Variants in COL5A1 observed in about 807,000 individuals in gnomAD.
The protein encoded by COL5A1 is collagen alpha-1(V) chain.
Under a neutral mutation model 263.7 loss-of-function variants are expected in COL5A1, and 16 were observed. That is an observed-to-expected ratio of 0.06 (90% CI 0.04 to 0.09). COL5A1 has a LOEUF of 0.09. Among genes scored for constraint, COL5A1 ranks in the 10% least tolerant of loss-of-function variants. COL5A1 has a pLI of 1.00. For missense variants in COL5A1, 2,036 were observed against 2,540.5 expected (o/e 0.80, Z 4.27); for synonymous variants, 1,012 against 1,004.5 (o/e 1.01, Z -0.14).
intron 8 of COL5A1, 139 bp downstream of exon 8, chr9:134,731,802 T>C: frequency 9.8e-7 from 1 of 1,018,664 alleles, no homozygotes; most frequent in Non-Finnish European, 1.4e-6. Flanking sequence ...AAACTTTATT[T>C]TTAAAGAGAC....
intron 42 of COL5A1, 73 bp from the exon 43 acceptor site, chr9:134,809,108 CTT>C: frequency 7.9e-7 from 1 of 1,264,782 alleles, no homozygotes; most frequent in Non-Finnish European, 1.1e-6. Context: ...GGATCCCTCT[CTT>C]GGGTAATGAG....
chr9:134,842,576 C>T lies in COL5A1; in HGVS notation c.*273C>T. 1.8e-6 allele frequency: 1 copy of T among 558,562 alleles called. No individual in the cohort carries two copies. Among genetic ancestry groups the T allele is most frequent in the Admixed American group, 3.2e-5 (1 of 31,588 alleles). The allele number at this position is 558,562 out of a possible 1,614,324, so 34.6% of individuals were successfully genotyped here. A position where few individuals can be genotyped will look rare whatever the true frequency, so the allele number is the denominator to read the frequency against. ...CACGCTCTGTCCACACCCACGCGCC[C>T]CGGGAGCGGGGCCATGCCTCCAGCC... On this transcript the variant is annotated 3_prime_UTR_variant, in exon 66 of 66. Transcript: ENST00000371817. This position sits in a 1 kb window ranked among gnomAD's most constrained non-coding sequence, Gnocchi z 5.8.
rs972097703 is a variant in COL5A1, at chr9:134,765,801, G to A, written c.2088+67G>A. 3.6e-6 allele frequency: 5 copies of A among 1,390,764 alleles called. No individual in the cohort carries two copies. Among genetic ancestry groups the A allele is most frequent in the Non-Finnish European group, 5.0e-6 (5 of 993,614 alleles). The allele number at this position is 1,390,764 out of a possible 1,614,324, so 86.2% of individuals were successfully genotyped here. On this transcript the variant is annotated intron_variant, in intron 21 of 65. Coordinates refer to ENST00000371817, the MANE Select transcript of COL5A1 (RefSeq NM_000093.5). This position sits in a 1 kb window ranked among gnomAD's most constrained non-coding sequence, Gnocchi z 5.1. ...CCTTTGAGACCCCGCCTCCCAGCCG[G>A]TGGACGCTTGGGCACTGGGGCAGCA...
chr9:134,803,699 T>C (rs1838192330), intron 39 of COL5A1, among the ~76,000 whole-genome samples: 2 of 151,482 alleles, frequency 1.3e-5, no homozygotes, highest in South Asian at 2.1e-4. Flanking sequence ...AAAAATTAGC[T>C]GGGTGTGGTG....
At chr9:134,806,361 C>A in intron 42 of COL5A1, 65 bp downstream of exon 42, 2 of 1,163,324 alleles carry the variant, frequency 1.7e-6, no homozygotes, top group Non-Finnish European at 2.5e-6. Flanking sequence ...CCGTGTCTGG[C>A]CTTGTCCCTC....
In COL5A1 at chr9:134,696,273, A is replaced by G. The variant is rs1168170521; in HGVS notation, c.278-3636A>G. ...ACGGCAACCTCTGCCTCCCAGGTTC[A>G]AGCGATTCTCCTGCCTCAGCCCCCC... On this transcript the variant is annotated intron_variant, in intron 2 of 65. Coordinates refer to ENST00000371817, the MANE Select transcript of COL5A1 (RefSeq NM_000093.5). This position sits in a 1 kb window ranked among gnomAD's most constrained non-coding sequence, Gnocchi z 4.3. 6.6e-6 allele frequency among the ~76,000 whole-genome samples: 1 copy of G among 152,114 alleles called. No homozygotes were observed. Among genetic ancestry groups the G allele is most frequent in the Non-Finnish European group, 1.5e-5 (1 of 68,020 alleles).
At chr9:134,828,718 C>T (rs367750384) in intron 63 of COL5A1, among the ~76,000 whole-genome samples, 4,206 of 151,994 alleles carry the variant, frequency 0.028, 138 homozygotes, top group African/African-American at 0.075. Context: ...TAGATACGCA[C>T]CACACATCAG....
chr9:134,790,266 C>T (rs1837619687), intron 32 of COL5A1, among the ~76,000 whole-genome samples: 1 of 152,238 alleles, frequency 6.6e-6, no homozygotes, highest in African/African-American at 2.4e-5. Context: ...AGACTATTAT[C>T]TCCATCTCCA....
chr9:134,747,570 C>CACACACATGCATTCAT (rs1835565110), intron 11 of COL5A1, among the ~76,000 whole-genome samples: 1 of 151,910 alleles, frequency 6.6e-6, no homozygotes, highest in Non-Finnish European at 1.5e-5. Flanking sequence ...TACATGTATT[C>CACACACATGCATTCAT]ACACACATGC....
At chr9:134,726,156 A>G (rs1407656978) in intron 4 of COL5A1, among the ~76,000 whole-genome samples, 4 of 152,312 alleles carry the variant, frequency 2.6e-5, no homozygotes, top group African/African-American at 9.6e-5. Context: ...GGCGGGTGAG[A>G]GTGCAGGCTG....
At position 134,758,160 on chromosome 9, in the gene COL5A1, C is replaced by T. The variant is rs574308890; in HGVS notation, c.1882-83C>T. ...GTGTGAAACGTGGTCCAAGGCGGGG[C>T]GGCCATCACTTGGTGGACACCAAGG... On this transcript the variant is annotated intron_variant, in intron 17 of 65. Coordinates refer to ENST00000371817, the MANE Select transcript of COL5A1 (RefSeq NM_000093.5). This position sits in a 1 kb window ranked among gnomAD's most constrained non-coding sequence, Gnocchi z 4.1. The T allele has an allele frequency of 6.8e-5, 95 of 1,405,600 alleles. No individual in the cohort carries two copies. The highest frequency in any genetic ancestry group is 1.1e-4 in the East Asian group (5 of 43,860). The allele number at this position is 1,405,600 out of a possible 1,614,324, so 87.1% of individuals were successfully genotyped here. A position where few individuals can be genotyped will look rare whatever the true frequency, so the allele number is the denominator to read the frequency against.
intron 34 of COL5A1, 152 bp downstream of exon 34, chr9:134,795,467 C>G: frequency 1.5e-6 from 1 of 666,242 alleles, no homozygotes; most frequent in East Asian, 2.7e-5. Context: ...AAGCTTGTCC[C>G]CTCCAGCAGC....
chr9:134,812,608 C>G lies in COL5A1; in HGVS notation c.3748C>G (p.Pro1250Ala), dbSNP rs767244756. 7 of 1,605,162 alleles carry G rather than the reference C, an allele frequency of 4.4e-6. No individual in the cohort carries two copies. Among genetic ancestry groups the G allele is most frequent in the Non-Finnish European group, 6.0e-6 (7 of 1,174,978 alleles). Residue 1250 changes from proline to alanine, a missense_variant, in exon 48 of 66, where the codon CCC becomes GCC. Transcript: ENST00000371817. ...GETGDVGQMGPPGPPGPRGPS... is the reference protein window; with the variant it reads ...GETGDVGQMGAPGPPGPRGPS... The stretch of plus-strand genomic sequence containing the variant: ...AGTGGTCTCTCCCTTTTCCTAGGGC[C>G]CCCCGGGTCCCCCTGGCCCCCGAGG...
rs754773665 is a variant in COL5A1 at position 134,754,286 on chromosome 9, T to C, written c.1787T>C (p.Val596Ala). Residue 596 changes from valine to alanine, a missense_variant, in exon 16 of 66, where the codon GTG (valine) becomes GCG (alanine). Val to Ala is a moderately conservative substitution (Grantham distance 64). This residue lies in a region of COL5A1 where 1,078 missense variants were observed against 1,521.4 expected (regional missense o/e 0.71). Transcript: ENST00000371817. The surrounding 1 kb of genome is among the most constrained non-coding windows in gnomAD (Gnocchi z 4.3). ...TACCCCTGGCAGGGTCCTCGAGGTG[T>C]GCAAGGCCCGCCTGGTCCGGCCGGG... ...GDVGPQGPRG[V>A]QGPPGPAGKP... 33 of 1,613,958 alleles carry C rather than the reference T, an allele frequency of 2.0e-5. No individual in the cohort carries two copies. The highest frequency in any genetic ancestry group is 2.7e-5 in the Non-Finnish European group (32 of 1,180,032).
At chr9:134,720,050 G>A (rs1023721244) in intron 4 of COL5A1, among the ~76,000 whole-genome samples, 3 of 152,144 alleles carry the variant, frequency 2.0e-5, no homozygotes, top group African/African-American at 7.2e-5. Flanking sequence ...AAGTCCACCC[G>A]TCTGAGAGGG....
chr9:134,719,224 A>G (rs1479862592), intron 4 of COL5A1, among the ~76,000 whole-genome samples: 1 of 152,190 alleles, frequency 6.6e-6, no homozygotes, highest in South Asian at 2.1e-4. Flanking sequence ...GGCATGCCAT[A>G]CCATATACAT....
chr9:134,770,277 G>T (rs1836827014), intron 25 of COL5A1, among the ~76,000 whole-genome samples: 1 of 152,186 alleles, frequency 6.6e-6, no homozygotes, highest in Non-Finnish European at 1.5e-5. Flanking sequence ...AAGGAAGATT[G>T]CCTTAAAATC....
chr9:134,810,384 A>T lies in COL5A1; in HGVS notation c.3528+76A>T. On this transcript the variant is annotated intron_variant, in intron 44 of 65. Coordinates refer to ENST00000371817, the MANE Select transcript of COL5A1 (RefSeq NM_000093.5). ...CGTCGCAGGCTGTAGGCCGTGTGCC[A>T]TGCACGTTCTCTTCCAACGTTGCTG... 4 of 1,403,382 alleles carry T rather than the reference A, an allele frequency of 2.9e-6. No homozygotes were observed. The South Asian group carries it at 4.7e-5, about 17-fold the overall frequency. The allele number at this position is 1,403,382 out of a possible 1,614,324, so 86.9% of individuals were successfully genotyped here.
At chr9:134,684,096 G>A (rs2132535763) in intron 1 of COL5A1, among the ~76,000 whole-genome samples, 1 of 152,340 alleles carries the variant, frequency 6.6e-6, no homozygotes, top group East Asian at 1.9e-4. Context: ...GTTCTTTCAT[G>A]AGGGGCCCCA....
Sources: allele counts gnomAD v4.1 joint callset (sites outside exome capture counted in the v4.1 genomes callset), GRCh38; gene constraint gnomAD v4.1.1; regional missense constraint gnomAD v4.1.1; non-coding constraint Gnocchi (gnomAD v3.1); transcripts MANE v1.5; gene names NCBI Gene and HGNC (gene_info 2026-07-23, HGNC 2026-07-21).